VTA1: variants seen among roughly 807,000 people sequenced by gnomAD.
VTA1 encodes vacuolar protein sorting-associated protein VTA1 homolog.
In VTA1, 24 loss-of-function variants were observed where a neutral mutation model predicts 36.9. The ratio of observed to expected loss-of-function variants is 0.65; its 90% CI spans 0.47 to 0.91. The LOEUF (loss-of-function observed/expected upper bound fraction) is 0.91, where lower values mean the gene tolerates loss of function less well. VTA1 is among the 40% of genes least tolerant of loss of function. VTA1 has a pLI of 0.00. For missense variants in VTA1, 393 were observed against 377.2 expected, an observed-to-expected ratio of 1.04 and a Z score of -0.35; for synonymous variants, 142 against 130.2, an observed-to-expected ratio of 1.09 and a Z score of -0.62.
At chr6:142,209,558 A>G (rs189564515) in intron 7 of VTA1, among the ~76,000 whole-genome samples, 5 of 151,074 alleles carry the variant, frequency 3.3e-5, no homozygotes, top group African/African-American at 1.2e-4. Context: ...GTATATATTA[A>G]TAACTAAGAA....
chr6:142,174,081 G>A (rs1199796882), intron 4 of VTA1, among the ~76,000 whole-genome samples: 1 of 152,184 alleles, frequency 6.6e-6, no homozygotes, highest in Non-Finnish European at 1.5e-5. Context: ...AGTCCCACCT[G>A]GATCACTGCT....
intron 1 of VTA1, among the ~76,000 whole-genome samples, chr6:142,150,041 C>A (rs1303744388): frequency 6.6e-6 from 1 of 151,804 alleles, no homozygotes; most frequent in Admixed American, 6.6e-5. Flanking sequence ...ATTGTTTAAC[C>A]CTTTTATTGA....
intron 4 of VTA1, among the ~76,000 whole-genome samples, chr6:142,179,447 A>G: frequency 6.6e-6 from 1 of 152,258 alleles, no homozygotes; most frequent in Admixed American, 6.5e-5. Context: ...TATTCATAAT[A>G]GCCCAAAGCT....
At position 142,189,445 on chromosome 6, in the gene VTA1, A is replaced by G. The variant is rs1471409331; in HGVS notation, c.431A>G (p.Tyr144Cys). ...TTTTAGAATGTGAAACACAGGAAGT[A>G]TGCCAGATGGAAGGCAACATACATC... ...LTDENVKHRKYARWKATYIHN... is the reference protein window; with the variant it reads ...LTDENVKHRKCARWKATYIHN... The change falls in exon 5 of 8, where the codon TAT (tyrosine) becomes TGT (cysteine). Residue 144 changes from tyrosine (Y) to cysteine (C), a missense_variant. By Grantham distance (194) the Tyr-to-Cys change is radical (BLOSUM62 -2). Transcript: ENST00000367630. 1 of 1,613,880 alleles carries G rather than the reference A, an allele frequency of 6.2e-7. No homozygotes were observed. Among genetic ancestry groups the G allele is most frequent in the African/African-American group, 1.3e-5 (1 of 74,948 alleles).
At chr6:142,202,898 G>A (rs576941863) in intron 6 of VTA1, among the ~76,000 whole-genome samples, 8 of 151,890 alleles carry the variant, frequency 5.3e-5, no homozygotes, top group African/African-American at 1.9e-4. Context: ...ATATTTATAT[G>A]GCTTTTAATA....
intron 4 of VTA1, among the ~76,000 whole-genome samples, chr6:142,178,424 G>A (rs1016389868): frequency 1.3e-5 from 2 of 152,040 alleles, no homozygotes; most frequent in African/African-American, 4.8e-5. Context: ...ATTGCTAGCA[G>A]GTCTGCACTA....
At chr6:142,208,598 T>C (rs910546471) in intron 7 of VTA1, among the ~76,000 whole-genome samples, 2 of 152,114 alleles carry the variant, frequency 1.3e-5, no homozygotes, top group African/African-American at 4.8e-5. Flanking sequence ...ACCGAACAGA[T>C]TCAACCCCCA....
intron 2 of VTA1, among the ~76,000 whole-genome samples, chr6:142,168,426 A>T (rs558074662): frequency 4.3e-4 from 66 of 152,012 alleles, no homozygotes; most frequent in African/African-American, 1.6e-3. Context: ...TTTTAATTTA[A>T]TTTTTTACTT....
At chr6:142,172,574 A>G (rs1219990527) in intron 4 of VTA1, among the ~76,000 whole-genome samples, 1 of 152,186 alleles carries the variant, frequency 6.6e-6, no homozygotes, top group Non-Finnish European at 1.5e-5. Context: ...CTCAATGGGT[A>G]TTACCTTTTT....
intron 1 of VTA1, among the ~76,000 whole-genome samples, chr6:142,152,818 A>G (rs1757857256): frequency 6.6e-6 from 1 of 152,144 alleles, no homozygotes; most frequent in African/African-American, 2.4e-5. Context: ...ATAAATTCCT[A>G]GAGCAGGGAA....
At chr6:142,204,457 C>T (rs1039609729) in intron 7 of VTA1, among the ~76,000 whole-genome samples, 1 of 152,100 alleles carries the variant, frequency 6.6e-6, no homozygotes, top group African/African-American at 2.4e-5. Context: ...AAGAAAGGAA[C>T]TGACCATTAT....
intron 4 of VTA1, among the ~76,000 whole-genome samples, chr6:142,171,254 C>T (rs539274983): frequency 6.6e-6 from 1 of 152,098 alleles, no homozygotes; most frequent in East Asian, 1.9e-4. Context: ...GCCACGACAC[C>T]CAGCTAATTT....
intron 1 of VTA1, among the ~76,000 whole-genome samples, chr6:142,154,112 GAA>G (rs1240439277): frequency 6.6e-6 from 1 of 151,912 alleles, no homozygotes; most frequent in African/African-American, 2.4e-5. Context: ...GAATAATTAA[GAA>G]TTCCCCTTGT....
chr6:142,165,133 C>T (rs1774889119), intron 1 of VTA1, among the ~76,000 whole-genome samples: 1 of 152,196 alleles, frequency 6.6e-6, no homozygotes, highest in Non-Finnish European at 1.5e-5. Flanking sequence ...CAGTAAATAT[C>T]TAACAGTTTT....
intron 5 of VTA1, among the ~76,000 whole-genome samples, chr6:142,194,419 T>A (rs1358059164): frequency 6.6e-6 from 1 of 152,176 alleles, no homozygotes; most frequent in Non-Finnish European, 1.5e-5. Context: ...TATTTAAGTT[T>A]TCTGTAATTT....
intron 1 of VTA1, among the ~76,000 whole-genome samples, chr6:142,148,866 T>C (rs1778511536): frequency 1.3e-5 from 2 of 152,092 alleles, no homozygotes; most frequent in South Asian, 4.1e-4. Context: ...AGTCCCGAAG[T>C]AGAGGCTTGC....
intron 1 of VTA1, among the ~76,000 whole-genome samples, chr6:142,157,345 T>C (rs1466166642): frequency 6.6e-6 from 1 of 152,214 alleles, no homozygotes. Flanking sequence ...CTTGATTACT[T>C]ACTTTTTTTT....
intron 6 of VTA1, among the ~76,000 whole-genome samples, chr6:142,201,096 CAAATT>C (rs1775676670): frequency 6.6e-6 from 1 of 151,866 alleles, no homozygotes; most frequent in Admixed American, 6.6e-5. Flanking sequence ...AAAATCCTCT[CAAATT>C]AAAACCTACT....
At chr6:142,206,921 TCC>T (rs984550322) in intron 7 of VTA1, among the ~76,000 whole-genome samples, 1 of 152,126 alleles carries the variant, frequency 6.6e-6, no homozygotes, top group African/African-American at 2.4e-5. Context: ...ACACAGACCT[TCC>T]ACTCATCTCA....
Sources: gnomAD v4.1 joint callset for allele counts (sites outside exome capture counted in the v4.1 genomes callset) on GRCh38, gnomAD v4.1.1 for gene constraint, MANE v1.5 for transcripts, NCBI Gene and HGNC (gene_info 2026-07-23, HGNC 2026-07-21) for gene names.